The following PRR5L variants were observed in gnomAD, a reference collection of about 807,000 sequenced individuals.
The protein encoded by PRR5L is proline-rich protein 5-like.
Under a neutral mutation model 36.4 loss-of-function variants are expected in PRR5L, and 21 were observed. The observed-to-expected ratio is 0.58, with a 90% CI of 0.41 to 0.83. The LOEUF (loss-of-function observed/expected upper bound fraction) is 0.83, where lower values mean the gene tolerates loss of function less well. Among genes scored for constraint, PRR5L ranks in the 40% least tolerant of loss-of-function variants. PRR5L has a pLI of 0.00. For synonymous variants in PRR5L, 188 were observed against 197.0 expected, an observed-to-expected ratio of 0.95 and a Z score of 0.38; for missense variants, 381 against 473.3, an observed-to-expected ratio of 0.80 and a Z score of 1.81.
At chr11:36,436,121 G>A (rs1277533926) in intron 5 of PRR5L, among the ~76,000 whole-genome samples, 3 of 152,172 alleles carry the variant, frequency 2.0e-5, no homozygotes, top group Non-Finnish European at 4.4e-5. Context: ...TACTAGTCAT[G>A]CCCTTGTTCT....
chr11:36,351,595 T>A (rs1349780915), intron 1 of PRR5L, among the ~76,000 whole-genome samples: 1 of 27,572 alleles, frequency 3.6e-5, no homozygotes, highest in Non-Finnish European at 5.4e-5. Context: ...ATTTATATAT[T>A]TATATAAATA....
intron 5 of PRR5L, among the ~76,000 whole-genome samples, chr11:36,435,688 G>C (rs554219743): frequency 3.3e-5 from 5 of 152,176 alleles, no homozygotes; most frequent in Admixed American, 3.3e-4. Context: ...CTCCTGGGCT[G>C]TGTAGATCAT....
At chr11:36,351,699 T>TTTA in intron 1 of PRR5L, among the ~76,000 whole-genome samples, 1 of 98,754 alleles carries the variant, frequency 1.0e-5, no homozygotes, top group Middle Eastern at 4.5e-3. Flanking sequence ...ATTTATATAT[T>TTTA]TATATATTTA....
chr11:36,328,772 A>C (rs988915404), intron 1 of PRR5L, among the ~76,000 whole-genome samples: 6 of 152,178 alleles, frequency 3.9e-5, no homozygotes, highest in African/African-American at 4.8e-5. Context: ...TTTCTTTAGG[A>C]GGCTCTGCTT....
chr11:36,337,843 A>T (rs966517615), intron 1 of PRR5L, among the ~76,000 whole-genome samples: 5 of 152,264 alleles, frequency 3.3e-5, no homozygotes, highest in African/African-American at 7.2e-5. Context: ...ATCCAAAATA[A>T]TAATGGCTTA....
At chr11:36,315,665 A>G (rs1460522800) in intron 1 of PRR5L, among the ~76,000 whole-genome samples, 1 of 152,208 alleles carries the variant, frequency 6.6e-6, no homozygotes, top group East Asian at 1.9e-4. Flanking sequence ...ATTTTGTATA[A>G]ACTGTGAGCA....
chr11:36,392,799 T>C (rs1857589667), intron 1 of PRR5L, among the ~76,000 whole-genome samples: 3 of 152,126 alleles, frequency 2.0e-5, no homozygotes, highest in Non-Finnish European at 2.9e-5. Context: ...ACTCACTCAC[T>C]TTCATGAGAA....
intron 8 of PRR5L, 23 bp from the exon 9 acceptor site, chr11:36,462,319 C>T (rs1224610484): frequency 1.3e-6 from 2 of 1,491,134 alleles, no homozygotes; most frequent in Non-Finnish European, 1.8e-6. Flanking sequence ...CAATAACAGT[C>T]TTTGCTGATT....
At chr11:36,406,104 C>CTT (rs34363237) in intron 3 of PRR5L, among the ~76,000 whole-genome samples, 12 of 147,466 alleles carry the variant, frequency 8.1e-5, no homozygotes, top group South Asian at 2.2e-4. Context: ...GGTTCCTGAT[C>CTT]TTTTTTTTTT....
At chr11:36,352,090 A>G (rs865788476) in intron 1 of PRR5L, among the ~76,000 whole-genome samples, 1 of 151,872 alleles carries the variant, frequency 6.6e-6, no homozygotes, top group Non-Finnish European at 1.5e-5. Flanking sequence ...GCCAACATCT[A>G]TTATTTTTTT....
At chr11:36,305,335 T>C (rs1856419556) in intron 1 of PRR5L, among the ~76,000 whole-genome samples, 1 of 152,168 alleles carries the variant, frequency 6.6e-6, no homozygotes, top group Non-Finnish European at 1.5e-5. Context: ...AAATGTATAA[T>C]GACAGAAAGT....
At chr11:36,400,419 C>G (rs935164727) in intron 1 of PRR5L, among the ~76,000 whole-genome samples, 1 of 152,206 alleles carries the variant, frequency 6.6e-6, no homozygotes, top group African/African-American at 2.4e-5. Context: ...TTTGGATGTT[C>G]TGCAACTCAC....
chr11:36,462,271 G>A, intron 8 of PRR5L, 71 bp from the exon 9 acceptor site: 1 of 1,419,162 alleles, frequency 7.0e-7, no homozygotes, highest in Non-Finnish European at 9.3e-7. Context: ...TTTTCCCCCA[G>A]TTGGATTAGG....
chr11:36,345,917 G>A (rs1412382547), intron 1 of PRR5L, among the ~76,000 whole-genome samples: 2 of 152,174 alleles, frequency 1.3e-5, no homozygotes, highest in African/African-American at 4.8e-5. Flanking sequence ...ACGGGAGCGT[G>A]GCAACACCCA....
At chr11:36,319,298 A>T (rs951865430) in intron 1 of PRR5L, among the ~76,000 whole-genome samples, 1 of 152,226 alleles carries the variant, frequency 6.6e-6, no homozygotes, top group African/African-American at 2.4e-5. Context: ...CAGTCATCTT[A>T]TTACCACAGG....
intron 1 of PRR5L, among the ~76,000 whole-genome samples, chr11:36,309,895 C>T (rs565471166): frequency 5.1e-4 from 32 of 62,438 alleles, no homozygotes; most frequent in Non-Finnish European, 1.0e-3. Flanking sequence ...GTACATCACC[C>T]ATGATTATCC....
intron 5 of PRR5L, among the ~76,000 whole-genome samples, chr11:36,435,286 T>C (rs991030360): frequency 2.6e-5 from 4 of 152,122 alleles, no homozygotes; most frequent in Non-Finnish European, 4.4e-5. Flanking sequence ...TTATCTACTA[T>C]GAGCCAGTAC....
intron 1 of PRR5L, among the ~76,000 whole-genome samples, chr11:36,354,842 A>G (rs1857009543): frequency 6.6e-6 from 1 of 152,240 alleles, no homozygotes. Flanking sequence ...CAAGACAGTT[A>G]TTAGCCAGGG....
intron 1 of PRR5L, among the ~76,000 whole-genome samples, chr11:36,358,675 A>G (rs1390836707): frequency 1.3e-5 from 2 of 152,230 alleles, no homozygotes; most frequent in Non-Finnish European, 2.9e-5. Context: ...ACGCCTGTAT[A>G]TAACTTCCAA....
Sources: allele counts gnomAD v4.1 joint callset (sites outside exome capture counted in the v4.1 genomes callset), GRCh38; gene constraint gnomAD v4.1.1; transcripts MANE v1.5; gene names NCBI Gene and HGNC (gene_info 2026-07-23, HGNC 2026-07-21).